The following NDRG4 variants were observed in gnomAD, a reference collection of about 807,000 sequenced individuals.
The protein encoded by NDRG4 is protein NDRG4.
A neutral mutation model predicts 55.8 loss-of-function variants in NDRG4; 38 were observed. The observed-to-expected ratio is 0.68, with a 90% CI of 0.53 to 0.89. The LOEUF (loss-of-function observed/expected upper bound fraction) is 0.89, where lower values mean the gene tolerates loss of function less well. NDRG4 is among the 40% of genes least tolerant of loss of function. The pLI is 0.00. For missense variants in NDRG4, 455 were observed against 468.6 expected, an observed-to-expected ratio of 0.97 and a Z score of 0.27; for synonymous variants, 190 against 182.7, an observed-to-expected ratio of 1.04 and a Z score of -0.32.
chr16:58,514,511 G>A (rs35556313), downstream of NDRG4, among the ~76,000 whole-genome samples: 7,646 of 152,004 alleles, frequency 0.05, 261 homozygotes, highest in Middle Eastern at 0.088. Context: ...CCGAGGCGGG[G>A]GGATTGCCTG....
upstream of NDRG4, among the ~76,000 whole-genome samples, chr16:58,498,028 G>A (rs377386905): frequency 6.6e-5 from 10 of 152,250 alleles, no homozygotes; most frequent in East Asian, 9.7e-4. Context: ...CACGTCTGTG[G>A]GTTTGCAGAC....
chr16:58,495,761 G>A (rs1001232829), upstream of NDRG4, among the ~76,000 whole-genome samples: 2 of 152,224 alleles, frequency 1.3e-5, no homozygotes, highest in Non-Finnish European at 2.9e-5. Flanking sequence ...CCTCGGTCAC[G>A]CGCCACTTCA....
At chr16:58,474,784 G>A (rs561648730) in intron 1 of NDRG4, among the ~76,000 whole-genome samples, 7 of 152,248 alleles carry the variant, frequency 4.6e-5, no homozygotes, top group South Asian at 4.1e-4. Flanking sequence ...ATGGACATTC[G>A]GGCCCAAACC....
intron 1 of NDRG4, among the ~76,000 whole-genome samples, chr16:58,481,521 C>A (rs1559389): frequency 0.77 from 117,621 of 152,000 alleles, 49,873 homozygotes; most frequent in Non-Finnish European, 0.94. Context: ...GATTCACAGG[C>A]TCAACCCAAG....
At chr16:58,510,893 G>A (rs1232141775) in intron 14 of NDRG4, 2 of 605,704 alleles carry the variant, frequency 3.3e-6, no homozygotes, top group African/African-American at 1.8e-5. Context: ...TTGCTTCTAG[G>A]TTGTCATGAG....
At chr16:58,498,804 T>C (rs1237019584), upstream of NDRG4, among the ~76,000 whole-genome samples, 3 of 152,148 alleles carry the variant, frequency 2.0e-5, no homozygotes, top group African/African-American at 7.2e-5. Context: ...TGTGCAGTTA[T>C]CGTGGCCAGA....
chr16:58,482,387 TCTC>T (rs1436808089), intron 1 of NDRG4, among the ~76,000 whole-genome samples: 30 of 152,276 alleles, frequency 2.0e-4, no homozygotes, highest in African/African-American at 7.0e-4. Flanking sequence ...CTGTCTGGCT[TCTC>T]CTGAGCCCTC....
intron 1 of NDRG4, chr16:58,501,361 AGACGGACC>A (rs1229612162): frequency 3.1e-6 from 1 of 326,236 alleles, no homozygotes; most frequent in African/African-American, 2.1e-5. Flanking sequence ...AGGCGAGGGG[AGACGGACC>A]GACCGAGAGG....
chr16:58,484,236 G>A (rs2034807316), intron 1 of NDRG4, among the ~76,000 whole-genome samples: 1 of 152,146 alleles, frequency 6.6e-6, no homozygotes, highest in South Asian at 2.1e-4. Context: ...AGCCAGGCGT[G>A]GTGGCAGGTG....
At position 58,500,154 on chromosome 16, in the gene NDRG4, C is replaced by A; in HGVS notation, c.-95C>A. ...AGCTGTGCCCCATCACAGAGCCGAC[C>A]ATCTCCCACTCGAGCTGCCCCCGCC... On this transcript the variant is annotated 5_prime_UTR_variant, in exon 1 of 15. Transcript: ENST00000570248. 2 of 1,535,476 alleles carry A rather than the reference C, an allele frequency of 1.3e-6. No homozygotes were observed. Among genetic ancestry groups the A allele is most frequent in the South Asian group, 1.2e-5 (1 of 83,886 alleles).
intron 2 of NDRG4, among the ~76,000 whole-genome samples, chr16:58,492,488 CCGTGTGTGTGTGTG>C (rs2035892137): frequency 7.1e-6 from 1 of 140,204 alleles, no homozygotes; most frequent in South Asian, 2.4e-4. Flanking sequence ...ATCTGCTCCA[CCGTGTGTGTGTGTG>C]TGTGTGTGTG....
chr16:58,488,248 T>C (rs2035357986), intron 2 of NDRG4, among the ~76,000 whole-genome samples: 1 of 152,130 alleles, frequency 6.6e-6, no homozygotes, highest in South Asian at 2.1e-4. Context: ...GTGCGCTCTT[T>C]TCCTTATCTG....
At position 58,500,954 on chromosome 16, in the gene NDRG4, C is replaced by A. The variant is rs913333282; in HGVS notation, c.21+685C>A. The A allele has an allele frequency of 1.2e-5, 15 of 1,215,378 alleles. No homozygotes were observed. The Admixed American group carries it at 4.6e-4, about 38-fold the overall frequency. 75.3% of individuals were successfully genotyped at this position (1,215,378 alleles called of 1,614,324 possible). A position where few individuals can be genotyped will look rare whatever the true frequency, so the allele number is the denominator to read the frequency against. ...GGCAGGGGTCCCTGCTGGGGAGGAA[C>A]GAGGAGGGGTTGCCTGCCTGCCTTA... On this transcript the variant is annotated intron_variant, in intron 1 of 14. Transcript: ENST00000570248.
At chr16:58,489,263 C>T (rs1055847542) in intron 2 of NDRG4, among the ~76,000 whole-genome samples, 3 of 152,064 alleles carry the variant, frequency 2.0e-5, no homozygotes, top group Non-Finnish European at 4.4e-5. Flanking sequence ...GCCTGGGCAA[C>T]AGAGCAAGAC....
At chr16:58,505,712 TC>T (rs371416542) in intron 5 of NDRG4, among the ~76,000 whole-genome samples, 1,134 of 91,092 alleles carry the variant, frequency 0.012, 59 homozygotes, top group East Asian at 0.025. Context: ...GGCTTCATTT[TC>T]TTTTTTTTTT....
chr16:58,497,340 A>T (rs1335494813), upstream of NDRG4, among the ~76,000 whole-genome samples: 1 of 151,330 alleles, frequency 6.6e-6, no homozygotes, highest in Non-Finnish European at 1.5e-5. Context: ...GAAGAAGAAG[A>T]AAAAAAAAGA....
chr16:58,485,951 G>A (rs576978186), intron 1 of NDRG4, among the ~76,000 whole-genome samples: 7 of 152,188 alleles, frequency 4.6e-5, no homozygotes, highest in Non-Finnish European at 1.0e-4. Flanking sequence ...TGCCATCTCT[G>A]GTTTCCTTAG....
chr16:58,500,731 G>GTGTGCGTGCCGGGTC, intron 1 of NDRG4: 1 of 426,694 alleles, frequency 2.3e-6, no homozygotes, highest in Non-Finnish European at 4.1e-6. Flanking sequence ...TGTGTGCCCA[G>GTGTGCGTGCCGGGTC]TGTGCGTGCC....
upstream of NDRG4, among the ~76,000 whole-genome samples, chr16:58,498,177 C>T (rs1300147954): frequency 6.6e-6 from 1 of 151,948 alleles, no homozygotes; most frequent in East Asian, 1.9e-4. Context: ...CCTTGGGGGA[C>T]ATGGGAGGGC....
Sources: gnomAD v4.1 joint callset for allele counts (sites outside exome capture counted in the v4.1 genomes callset) on GRCh38, gnomAD v4.1.1 for gene constraint, MANE v1.5 for transcripts, NCBI Gene and HGNC (gene_info 2026-07-23, HGNC 2026-07-21) for gene names.